The following CDH18 variants were observed in gnomAD, a reference collection of about 807,000 sequenced individuals.
CDH18 encodes the protein cadherin 18.
In CDH18, 31 loss-of-function variants were observed where a neutral mutation model predicts 67.9. The observed-to-expected ratio is 0.46, with a 90% CI of 0.34 to 0.62. The LOEUF is 0.62. Ranked by LOEUF, CDH18 falls within the 20% of genes least tolerant of loss-of-function variation. CDH18 has a pLI of 0.01. For synonymous variants in CDH18, 362 were observed against 347.2 expected, an observed-to-expected ratio of 1.04 and a Z score of -0.48; for missense variants, 890 against 975.5, an observed-to-expected ratio of 0.91 and a Z score of 1.17.
chr5:20,250,642 G>C (rs1319668166), intron 2 of CDH18, among the ~76,000 whole-genome samples: 1 of 107,012 alleles, frequency 9.3e-6, no homozygotes, highest in East Asian at 3.1e-4. Flanking sequence ...TTGTTCTGTC[G>C]CCCAGGCTGG....
At chr5:20,369,199 A>T (rs1486361161) in intron 1 of CDH18, among the ~76,000 whole-genome samples, 4 of 152,104 alleles carry the variant, frequency 2.6e-5, no homozygotes. Flanking sequence ...GTAGGCTTAA[A>T]TGTCTGAAAA....
chr5:20,466,529 C>T (rs568025912), intron 1 of CDH18, among the ~76,000 whole-genome samples: 2 of 152,170 alleles, frequency 1.3e-5, no homozygotes, highest in East Asian at 1.9e-4. Flanking sequence ...TAAATAAATA[C>T]ATATTGAATA....
chr5:20,237,056 T>G (rs1742527358), intron 2 of CDH18, among the ~76,000 whole-genome samples: 1 of 151,950 alleles, frequency 6.6e-6, no homozygotes, highest in Non-Finnish European at 1.5e-5. Flanking sequence ...AAAATGATAC[T>G]CTACATATAA....
chr5:20,247,406 T>C (rs1743464560), intron 2 of CDH18, among the ~76,000 whole-genome samples: 1 of 152,200 alleles, frequency 6.6e-6, no homozygotes, highest in Non-Finnish European at 1.5e-5. Flanking sequence ...TTCCTTGATA[T>C]GGTTAGTTAA....
intron 1 of CDH18, among the ~76,000 whole-genome samples, chr5:20,272,720 T>C (rs1382105509): frequency 1.3e-5 from 2 of 152,026 alleles, no homozygotes; most frequent in African/African-American, 4.8e-5. Flanking sequence ...CATTCATTTT[T>C]TTCCCTCTAT....
intron 1 of CDH18, among the ~76,000 whole-genome samples, chr5:20,268,475 C>T (rs1745206804): frequency 2.0e-5 from 3 of 152,158 alleles, no homozygotes; most frequent in Admixed American, 1.3e-4. Context: ...CAGTGGCTCA[C>T]ACCTATAATC....
At chr5:19,882,924 A>C (rs1787807149) in intron 2 of CDH18, among the ~76,000 whole-genome samples, 1 of 152,212 alleles carries the variant, frequency 6.6e-6, no homozygotes, top group South Asian at 2.1e-4. Flanking sequence ...TTATCTTTAT[A>C]AAATTACTAT....
At chr5:20,241,932 A>G (rs1291020204) in intron 2 of CDH18, among the ~76,000 whole-genome samples, 2 of 147,344 alleles carry the variant, frequency 1.4e-5, no homozygotes, top group Non-Finnish European at 3.0e-5. Flanking sequence ...GGCACTGTGC[A>G]AACTCTCAAT....
chr5:19,779,989 C>T (rs78468378), intron 3 of CDH18, among the ~76,000 whole-genome samples: 7,495 of 152,174 alleles, frequency 0.049, 256 homozygotes, highest in Middle Eastern at 0.095. Context: ...ATATATCATG[C>T]TAAGAATTCA....
intron 2 of CDH18, among the ~76,000 whole-genome samples, chr5:20,056,230 T>C (rs113557562): frequency 0.061 from 9,216 of 150,234 alleles, 295 homozygotes; most frequent in East Asian, 0.14. Flanking sequence ...TCTTGAACTA[T>C]TGACTTCAGG....
At chr5:19,507,329 T>C (rs1193331823) in intron 10 of CDH18, among the ~76,000 whole-genome samples, 11 of 152,170 alleles carry the variant, frequency 7.2e-5, no homozygotes, top group Non-Finnish European at 1.5e-4. Context: ...AGTTCAACCC[T>C]TGTGGAAGTC....
chr5:19,540,279 G>C (rs1202213007), intron 9 of CDH18, among the ~76,000 whole-genome samples: 2 of 152,038 alleles, frequency 1.3e-5, no homozygotes, highest in Non-Finnish European at 2.9e-5. Context: ...CCATGGGCTT[G>C]GGCTGGTCCA....
At chr5:20,036,379 TA>T (rs1739862687) in intron 2 of CDH18, among the ~76,000 whole-genome samples, 1 of 151,814 alleles carries the variant, frequency 6.6e-6, no homozygotes, top group Non-Finnish European at 1.5e-5. Context: ...ACATCCTAAA[TA>T]AATTTAAAGA....
intron 1 of CDH18, among the ~76,000 whole-genome samples, chr5:20,271,508 A>G (rs1478872232): frequency 6.6e-6 from 1 of 152,170 alleles, no homozygotes; most frequent in Non-Finnish European, 1.5e-5. Context: ...TACACAATCT[A>G]TATATGTATC....
At chr5:19,664,633 G>A (rs1451325461) in intron 5 of CDH18, among the ~76,000 whole-genome samples, 3 of 151,880 alleles carry the variant, frequency 2.0e-5, no homozygotes, top group Non-Finnish European at 2.9e-5. Flanking sequence ...AAATTCAAAT[G>A]AGTCTCCCCT....
chr5:20,512,782 G>C (rs1226880198), intron 1 of CDH18, among the ~76,000 whole-genome samples: 2 of 151,706 alleles, frequency 1.3e-5, no homozygotes, highest in African/African-American at 2.4e-5. Context: ...TACCTGGGAG[G>C]CTGAGGCAGG....
At chr5:20,273,885 T>C (rs941968960) in intron 1 of CDH18, among the ~76,000 whole-genome samples, 4 of 152,088 alleles carry the variant, frequency 2.6e-5, no homozygotes, top group African/African-American at 7.2e-5. Flanking sequence ...AAAAGATATG[T>C]TGAAGTCTTA....
intron 2 of CDH18, among the ~76,000 whole-genome samples, chr5:19,897,273 G>A (rs551385886): frequency 1.1e-3 from 171 of 152,078 alleles, no homozygotes; most frequent in Non-Finnish European, 1.4e-3. Context: ...TGTTTAAACC[G>A]AATGTCTTCA....
intron 3 of CDH18, among the ~76,000 whole-genome samples, chr5:19,765,357 A>G (rs1298380912): frequency 6.6e-6 from 1 of 151,976 alleles, no homozygotes; most frequent in Non-Finnish European, 1.5e-5. Context: ...TTTCCCAGAA[A>G]AAAAGACAAT....
Sources: allele counts gnomAD v4.1 joint callset (sites outside exome capture counted in the v4.1 genomes callset), GRCh38; gene constraint gnomAD v4.1.1; transcripts MANE v1.5; gene names NCBI Gene and HGNC (gene_info 2026-07-23, HGNC 2026-07-21).